Variants in SDK1 observed in about 807,000 individuals in gnomAD.
SDK1 encodes protein sidekick-1.
SDK1 carries 157 observed loss-of-function variants against 245.5 expected under a neutral mutation model. That is an observed-to-expected ratio of 0.64 (90% confidence interval 0.56 to 0.73). The LOEUF (loss-of-function observed/expected upper bound fraction) is 0.73, where lower values mean the gene tolerates loss of function less well. Among genes scored for constraint, SDK1 ranks in the 30% least tolerant of loss-of-function variants. SDK1 has a pLI of 0.00. For missense variants in SDK1, 3,583 were observed against 3,002.3 expected (o/e 1.19, Z -4.52); for synonymous variants, 1,647 against 1,278.5 (o/e 1.29, Z -6.15).
At chr7:3,312,908 A>G (rs1209411688) in intron 1 of SDK1, among the ~76,000 whole-genome samples, 2 of 152,190 alleles carry the variant, frequency 1.3e-5, no homozygotes, top group East Asian at 3.9e-4. Context: ...CCCACACAGG[A>G]TAAATAAAAA....
chr7:3,369,154 C>T (rs1781162460), intron 1 of SDK1, among the ~76,000 whole-genome samples: 1 of 152,012 alleles, frequency 6.6e-6, no homozygotes, highest in South Asian at 2.1e-4. Flanking sequence ...AAGCAATTGT[C>T]ATGCCTCAGT....
In SDK1 at chr7:3,439,639, G is replaced by T. The variant is rs570865947; in HGVS notation, c.298+137755G>T. Reference sequence around the variant, plus strand: ...CTTTCTAATGGGATTTAAAAAGTCAGTACATTTCTCTTTTTGAATTTGTTT... The same window carrying T: ...CTTTCTAATGGGATTTAAAAAGTCATTACATTTCTCTTTTTGAATTTGTTT... On this transcript the variant is annotated intron_variant, in intron 1 of 44. Coordinates refer to ENST00000404826, the MANE Select transcript of SDK1 (RefSeq NM_152744.4). Among the ~76,000 whole-genome samples, 3 of 152,332 alleles carry T rather than the reference G, an allele frequency of 2.0e-5. No homozygotes were observed. In the South Asian group the frequency reaches 6.2e-4, roughly 32 times the overall value.
intron 25 of SDK1, 94 bp downstream of exon 25, chr7:4,114,368 T>G: frequency 1.0e-6 from 1 of 967,002 alleles, no homozygotes. Context: ...TGGCGTCTCA[T>G]TGGCCTGTCC....
At chr7:3,875,610 A>G (rs939459133) in intron 5 of SDK1, among the ~76,000 whole-genome samples, 9 of 152,146 alleles carry the variant, frequency 5.9e-5, no homozygotes, top group African/African-American at 1.4e-4. Context: ...TCTCAGCTCT[A>G]TGGGTTCCAC....
In SDK1 at chr7:4,049,259, A is replaced by G. The variant is rs920890358; in HGVS notation, c.2603-89A>G. On this transcript the variant is annotated intron_variant, in intron 17 of 44. Transcript: ENST00000404826. ...AGTGCAATAATTGCCTGTGAGCATG[A>G]TGGCAGCTAAGGGTTTCCTTTCTGT... The G allele has an allele frequency of 3.3e-6, 3 of 909,682 alleles. No individual in the cohort carries two copies. The African/African-American group carries it at 4.9e-5, about 15-fold the overall frequency. The allele number at this position is 909,682 out of a possible 1,614,324, so 56.4% of individuals were successfully genotyped here. A position where few individuals can be genotyped will look rare whatever the true frequency, so the allele number is the denominator to read the frequency against.
chr7:4,092,492 C>A (rs1781869963), intron 22 of SDK1, among the ~76,000 whole-genome samples: 1 of 152,186 alleles, frequency 6.6e-6, no homozygotes, highest in Non-Finnish European at 1.5e-5. Context: ...CCTCTGGGGC[C>A]TCCTATACCT....
intron 1 of SDK1, among the ~76,000 whole-genome samples, chr7:3,423,572 CTT>C (rs57476358): frequency 7.3e-6 from 1 of 137,600 alleles, no homozygotes. Context: ...GAAACAGTGG[CTT>C]TTTTTTTTTT....
At chr7:3,796,080 C>T (rs375370538) in intron 4 of SDK1, among the ~76,000 whole-genome samples, 1 of 152,160 alleles carries the variant, frequency 6.6e-6, no homozygotes, top group African/African-American at 2.4e-5. Context: ...CTTTCTTTGG[C>T]TCTCTTGATT....
intron 4 of SDK1, among the ~76,000 whole-genome samples, chr7:3,756,940 G>A (rs1028937642): frequency 6.6e-6 from 1 of 152,132 alleles, no homozygotes; most frequent in Non-Finnish European, 1.5e-5. Context: ...TGAGGGTGGT[G>A]ACAGTTAGGG....
chr7:3,990,174 G>A (rs1241225562), intron 14 of SDK1, among the ~76,000 whole-genome samples: 2 of 152,254 alleles, frequency 1.3e-5, no homozygotes, highest in Non-Finnish European at 2.9e-5. Context: ...TTCACCGAGG[G>A]AAGGCCCAGA....
At chr7:4,068,982 A>C (rs1007156995) in intron 20 of SDK1, among the ~76,000 whole-genome samples, 12 of 152,160 alleles carry the variant, frequency 7.9e-5, no homozygotes, top group African/African-American at 2.9e-4. Flanking sequence ...TCAGCCTCCC[A>C]AAGTGCTGGG....
chr7:3,710,355 G>T (rs1187087715), intron 4 of SDK1, among the ~76,000 whole-genome samples: 2 of 152,304 alleles, frequency 1.3e-5, no homozygotes, highest in Middle Eastern at 6.8e-3. Flanking sequence ...CTTTCTTGTT[G>T]ACTGGTTATT....
intron 17 of SDK1, among the ~76,000 whole-genome samples, chr7:4,035,002 G>A (rs192265358): frequency 1.1e-3 from 171 of 152,128 alleles, no homozygotes; most frequent in African/African-American, 3.3e-3. Flanking sequence ...TTTTGGAGAC[G>A]GAGTCTTGCT....
chr7:3,902,063 G>A (rs1397135296), intron 5 of SDK1, among the ~76,000 whole-genome samples: 4 of 152,168 alleles, frequency 2.6e-5, no homozygotes, highest in Admixed American at 2.6e-4. Context: ...CCTGGAATCA[G>A]CCATTGCTCC....
At chr7:3,659,621 C>G (rs138310355) in intron 4 of SDK1, among the ~76,000 whole-genome samples, 1 of 152,068 alleles carries the variant, frequency 6.6e-6, no homozygotes. Context: ...TCTGTGGAAA[C>G]GAGTGAATTT....
intron 27 of SDK1, among the ~76,000 whole-genome samples, chr7:4,132,045 C>T (rs1477306358): frequency 6.6e-6 from 1 of 152,126 alleles, no homozygotes; most frequent in African/African-American, 2.4e-5. Flanking sequence ...GCTGGTTACA[C>T]TCACACTATT....
chr7:3,684,100 G>C (rs539948582), intron 4 of SDK1, among the ~76,000 whole-genome samples: 1 of 152,164 alleles, frequency 6.6e-6, no homozygotes, highest in Admixed American at 6.5e-5. Flanking sequence ...AGTAGGAGCT[G>C]ATCCTCCATT....
chr7:4,260,149 G>A (rs555496792), intron 44 of SDK1, among the ~76,000 whole-genome samples: 34 of 151,418 alleles, frequency 2.2e-4, no homozygotes, highest in Admixed American at 1.3e-4. Flanking sequence ...GCTGCTCCGG[G>A]GTCTCTGTGT....
At chr7:3,945,259 T>C (rs2128122996) in intron 5 of SDK1, among the ~76,000 whole-genome samples, 1 of 152,286 alleles carries the variant, frequency 6.6e-6, no homozygotes, top group African/African-American at 2.4e-5. Flanking sequence ...CACTCTGGGA[T>C]TTAGCGTCCC....
Sources: gnomAD v4.1 joint callset for allele counts (sites outside exome capture counted in the v4.1 genomes callset) on GRCh38, gnomAD v4.1.1 for gene constraint, MANE v1.5 for transcripts, NCBI Gene and HGNC (gene_info 2026-07-23, HGNC 2026-07-21) for gene names.